FAAH2: variants seen among roughly 807,000 people sequenced by gnomAD.
The protein encoded by FAAH2 is fatty-acid amide hydrolase 2.
FAAH2 carries 60 observed loss-of-function variants against 36.9 expected under a neutral mutation model. The observed-to-expected ratio is 1.63, with a 90% CI of 1.32 to 2.02. The LOEUF is 2.02. FAAH2 is among the 30% of genes most tolerant of loss of function. The pLI is 0.00. For synonymous variants in FAAH2, 214 were observed against 143.8 expected (o/e 1.49, Z -3.49); for missense variants, 689 against 397.5 (o/e 1.73, Z -6.23).
chrX:57,365,422 T>C (rs754745303), intron 5 of FAAH2, among the ~76,000 whole-genome samples: 1 of 112,035 alleles, frequency 8.9e-6, no homozygotes, highest in Non-Finnish European at 1.9e-5. Context: ...TGCTGAAAGT[T>C]CTGCTATTAG....
intron 10 of FAAH2, among the ~76,000 whole-genome samples, chrX:57,479,865 C>A (rs1217355185): frequency 9.1e-6 from 1 of 110,374 alleles, no homozygotes; most frequent in African/African-American, 3.3e-5. Flanking sequence ...AGACCACTAG[C>A]AAGACTAATA....
chrX:57,305,725 A>G (rs1278038661), intron 2 of FAAH2, among the ~76,000 whole-genome samples: 1 of 111,407 alleles, frequency 9.0e-6, no homozygotes, highest in African/African-American at 3.3e-5. Flanking sequence ...TCTCCCACAT[A>G]TAACTTCCTT....
chrX:57,382,601 A>C (rs1296321175), intron 7 of FAAH2, among the ~76,000 whole-genome samples: 1 of 111,784 alleles, frequency 8.9e-6, no homozygotes, highest in Non-Finnish European at 1.9e-5. Context: ...TCCTGGACAC[A>C]TACACCCTCC....
In FAAH2 at chrX:57,447,009, G is replaced by T. The variant is rs2056688431; in HGVS notation, c.1198G>T (p.Gly400Cys). 2 of 1,206,009 alleles carry T rather than the reference G, an allele frequency of 1.7e-6. No homozygotes were observed. Among genetic ancestry groups the T allele is most frequent in the Non-Finnish European group, 2.2e-6 (2 of 891,825 alleles). Residue 400 changes from glycine to cysteine, a missense_variant, in exon 9 of 11, where the codon GGT (glycine) becomes TGT (cysteine). Transcript: ENST00000374900. ...PLWELIKWCL[G>C]LSVYTIPSIG... ...GTGGGAGTTGATCAAATGGTGCCTG[G>T]GTCTGTCAGTGTACACCATCCCTTC...
upstream of FAAH2, among the ~76,000 whole-genome samples, chrX:57,286,471 T>C (rs2051811001): frequency 9.0e-6 from 1 of 111,724 alleles, no homozygotes; most frequent in African/African-American, 3.3e-5. Context: ...CCATTTTTTT[T>C]CTTATGAGTA....
intron 7 of FAAH2, among the ~76,000 whole-genome samples, chrX:57,420,932 G>C (rs747586133): frequency 1.2e-4 from 13 of 111,910 alleles, no homozygotes; most frequent in South Asian, 3.7e-4. Flanking sequence ...TAGCATGAAG[G>C]GTTGTTGAAT....
chrX:57,126,746 G>C, the FAAH2 span: 1 of 111,584 alleles, frequency 9.0e-6, no homozygotes, highest in Non-Finnish European at 1.9e-5. Context: ...CTTCCTGCAA[G>C]TGATTGATTT....
intron 10 of FAAH2, among the ~76,000 whole-genome samples, chrX:57,450,793 T>C (rs911829203): frequency 9.0e-6 from 1 of 111,147 alleles, no homozygotes; most frequent in Non-Finnish European, 1.9e-5. Context: ...TGGAAGGATA[T>C]AATGTAATAA....
the FAAH2 span, among the ~76,000 whole-genome samples, chrX:57,274,732 A>AC: frequency 8.9e-6 from 1 of 111,734 alleles, no homozygotes; most frequent in Non-Finnish European, 1.9e-5. Context: ...CTCTCAATAA[A>AC]CTAGGTATCG....
chrX:57,257,434 A>G, the FAAH2 span, among the ~76,000 whole-genome samples: 6 of 111,160 alleles, frequency 5.4e-5, no homozygotes, highest in Non-Finnish European at 3.8e-5. Context: ...TCAGCAAACT[A>G]TCACAAGATC....
At chrX:57,163,547 G>A in the FAAH2 span, among the ~76,000 whole-genome samples, 3 of 112,030 alleles carry the variant, frequency 2.7e-5, no homozygotes, top group African/African-American at 6.5e-5. Flanking sequence ...AGCCAGGTGC[G>A]AGATATAATC....
chrX:57,483,750 G>A (rs1205979260), intron 10 of FAAH2, among the ~76,000 whole-genome samples: 2 of 100,185 alleles, frequency 2.0e-5, no homozygotes, highest in Admixed American at 2.2e-4. Context: ...CCTTGGCTCT[G>A]CTCCTATTTC....
At chrX:57,234,321 C>A in the FAAH2 span, among the ~76,000 whole-genome samples, 1 of 111,345 alleles carries the variant, frequency 9.0e-6, no homozygotes, top group Non-Finnish European at 1.9e-5. Context: ...CCATTCACCT[C>A]ACACACCAAT....
intron 8 of FAAH2, among the ~76,000 whole-genome samples, chrX:57,440,200 C>T (rs1335416634): frequency 9.0e-6 from 1 of 111,313 alleles, no homozygotes; most frequent in Admixed American, 9.6e-5. Context: ...GCAGTATGAC[C>T]ATTTTCAAAA....
chrX:57,408,477 C>T (rs1034611006), intron 7 of FAAH2, among the ~76,000 whole-genome samples: 4 of 111,023 alleles, frequency 3.6e-5, no homozygotes, highest in Admixed American at 2.9e-4. Context: ...AGGATTTTTA[C>T]GTATGAGAAC....
chrX:57,324,678 G>A (rs1395806979), intron 3 of FAAH2, among the ~76,000 whole-genome samples: 1 of 111,947 alleles, frequency 8.9e-6, no homozygotes, highest in East Asian at 2.8e-4. Flanking sequence ...TGTGATTTTT[G>A]CACATTGATT....
chrX:57,468,835 G>A (rs1036825781), intron 10 of FAAH2, among the ~76,000 whole-genome samples: 6 of 111,539 alleles, frequency 5.4e-5, no homozygotes, highest in Admixed American at 9.5e-5. Flanking sequence ...AAAATATTAA[G>A]GGCAGCCAGA....
At chrX:57,155,814 T>TA in the FAAH2 span, among the ~76,000 whole-genome samples, 1 of 111,947 alleles carries the variant, frequency 8.9e-6, no homozygotes, top group Non-Finnish European at 1.9e-5. Flanking sequence ...AAGTCAGACA[T>TA]AGCTTCCCTG....
chrX:57,222,509 G>A, the FAAH2 span, among the ~76,000 whole-genome samples: 1 of 112,000 alleles, frequency 8.9e-6, no homozygotes, highest in African/African-American at 3.3e-5. Context: ...CTGCCTTCAA[G>A]CATTGGTGGC....
Sources: allele counts gnomAD v4.1 joint callset (sites outside exome capture counted in the v4.1 genomes callset), GRCh38; gene constraint gnomAD v4.1.1; transcripts MANE v1.5; gene names NCBI Gene and HGNC (gene_info 2026-07-23, HGNC 2026-07-21).